ACY3: variants seen among roughly 807,000 people sequenced by gnomAD.
ACY3 encodes aminoacylase 3, also known as N-acyl-aromatic-L-amino acid amidohydrolase (carboxylate-forming).
Under a neutral mutation model 24.6 loss-of-function variants are expected in ACY3, and 20 were observed. The ratio of observed to expected loss-of-function variants is 0.81; its 90% CI spans 0.57 to 1.18. The LOEUF is 1.18. ACY3 is among the 50% of genes most tolerant of loss of function. The pLI is 0.00. For synonymous variants in ACY3, 174 were observed against 188.4 expected, an observed-to-expected ratio of 0.92 and a Z score of 0.62; for missense variants, 423 against 426.8, an observed-to-expected ratio of 0.99 and a Z score of 0.08.
At chr11:67,643,628 A>G (rs1228083571) in intron 7 of ACY3, among the ~76,000 whole-genome samples, 1 of 151,988 alleles carries the variant, frequency 6.6e-6, no homozygotes, top group Non-Finnish European at 1.5e-5. Flanking sequence ...CAGTAAGCCA[A>G]TATTATGCCA....
At position 67,645,503 on chromosome 11, in the gene ACY3, C is replaced by A. The variant is rs188381088; in HGVS notation, c.433-123G>T. On this transcript the variant is annotated intron_variant, in intron 4 of 7. Transcript: ENST00000255082. ...CCTTGGCCAGGTCTCCCTCTACCCT[C>A]TGGCAGGGTAGGGGAGGGGGTACCG... 8.3e-4 allele frequency: 1,042 copies of A among 1,258,828 alleles called. 7 individuals are homozygous for A. In the African/African-American group the frequency reaches 0.014, roughly 17 times the overall value. 78.0% of individuals were successfully genotyped at this position (1,258,828 alleles called of 1,614,324 possible).
Position 67,650,668 on chromosome 11 carries a change from C to G in ACY3, c.-180G>C, listed in dbSNP as rs1855611707. The G allele has an allele frequency of 6.6e-6, 1 of 152,232 alleles. No homozygotes were observed. Among genetic ancestry groups the G allele is most frequent in the African/African-American group, 2.4e-5 (1 of 41,440 alleles). 9.4% of individuals were successfully genotyped at this position (152,232 alleles called of 1,614,324 possible). A position where few individuals can be genotyped will look rare whatever the true frequency, so the allele number is the denominator to read the frequency against. On this transcript the variant is annotated 5_prime_UTR_variant, in exon 1 of 8. Transcript: ENST00000255082. Reference sequence around the variant, plus strand: ...GTGGGGCTGTCACTCCGCCCTACCCCCGAAACAGCGGAAGCAGCTGCCTGG... The same window carrying G: ...GTGGGGCTGTCACTCCGCCCTACCCGCGAAACAGCGGAAGCAGCTGCCTGG...
Position 67,642,677 on chromosome 11 carries a change from C to T in ACY3, c.*47G>A, listed in dbSNP as rs1565236848. The T allele has an allele frequency of 1.3e-6, 2 of 1,591,172 alleles. No individual in the cohort carries two copies. Among genetic ancestry groups the T allele is most frequent in the Non-Finnish European group, 8.6e-7 (1 of 1,159,432 alleles). ...CTGTGCTCAGAGCTGTGCCTCAGGA[C>T]CCATCGTTCAGATGGGAAGACTGAG... On this transcript the variant is annotated 3_prime_UTR_variant, in exon 8 of 8. Transcript: ENST00000255082.
At chr11:67,647,301 G>C (rs1855536964) in intron 2 of ACY3, among the ~76,000 whole-genome samples, 1 of 152,224 alleles carries the variant, frequency 6.6e-6, no homozygotes, top group South Asian at 2.1e-4. Flanking sequence ...GGGCCCAACT[G>C]TTCAGGAAGA....
chr11:67,646,016 C>G, intron 3 of ACY3, 129 bp from the exon 4 acceptor site: 1 of 911,994 alleles, frequency 1.1e-6, no homozygotes, highest in East Asian at 2.7e-5. Context: ...TCCCTTCAGA[C>G]GTTGTGGCTG....
intron 2 of ACY3, 146 bp from the exon 3 acceptor site, chr11:67,647,209 C>G (rs1257169935): frequency 1.8e-6 from 1 of 565,976 alleles, no homozygotes; most frequent in East Asian, 3.1e-5. Flanking sequence ...CCCACCTGCA[C>G]CCCCAGTGGC....
chr11:67,645,977 G>GC, intron 3 of ACY3, 90 bp from the exon 4 acceptor site: 1 of 1,291,360 alleles, frequency 7.7e-7, no homozygotes. Context: ...CCCTGCAGGA[G>GC]CCACTCTGAG....
At position 67,644,791 on chromosome 11, in the gene ACY3, T is replaced by G. The variant is rs1591130046; in HGVS notation, c.713A>C (p.His238Pro). ...CTGAGGATGCACAGTGCCTGCCAGG[T>G]GCCCGGCCTCGGTGCGGGGGAAGTC... ...VVDFPRTEAG[H>P]LAGTVHPQLQ... The change falls in exon 7 of 8, where the codon CAC becomes CCC. Residue 238 changes from histidine to proline, a missense_variant. Physicochemically the swap from His to Pro is moderately conservative, Grantham distance 77 (BLOSUM62 -2). Coordinates refer to ENST00000255082, the MANE Select transcript of ACY3 (RefSeq NM_080658.2). The G allele has an allele frequency of 2.6e-6, 4 of 1,560,380 alleles. No homozygotes were observed. The East Asian group carries it at 9.6e-5, about 37-fold the overall frequency.
chr11:67,643,001 G>T lies in ACY3; in HGVS notation c.745-62C>A, dbSNP rs969020719. The T allele has an allele frequency of 3.6e-5, 54 of 1,499,798 alleles. No individual in the cohort carries two copies. In the South Asian group the frequency reaches 6.3e-4, roughly 18 times the overall value. 92.9% of individuals were successfully genotyped at this position (1,499,798 alleles called of 1,614,324 possible). A position where few individuals can be genotyped will look rare whatever the true frequency, so the allele number is the denominator to read the frequency against. ...ACCTCTGCCCTGGCCCCAGAGGGGG[G>T]TGACCCCAGCTTGACACCCAAAAGA... On this transcript the variant is annotated intron_variant, in intron 7 of 7. Transcript: ENST00000255082.
In ACY3 at chr11:67,642,708, G is replaced by A. The variant is rs1855428885; in HGVS notation, c.*16C>T. On this transcript the variant is annotated 3_prime_UTR_variant, in exon 8 of 8. Coordinates refer to ENST00000255082, the MANE Select transcript of ACY3 (RefSeq NM_080658.2). The stretch of plus-strand genomic sequence containing the variant: ...GTTCAGATGGGAAGACTGAGGTTGG[G>A]GAGGTGTGTCTTGGGTTAGGAAGCT... 2.5e-6 allele frequency: 4 copies of A among 1,613,422 alleles called. No homozygotes were observed. Among genetic ancestry groups the A allele is most frequent in the Admixed American group, 3.3e-5 (2 of 60,010 alleles).
At position 67,645,672 on chromosome 11, in the gene ACY3, G is replaced by A; in HGVS notation, c.432+20C>T. Reference sequence around the variant, plus strand: ...CTCCCACTCCCCTCTGGGGAGCTGTGTGCTTGGGGCCGGGGCCACCTGCAG... The same window carrying A: ...CTCCCACTCCCCTCTGGGGAGCTGTATGCTTGGGGCCGGGGCCACCTGCAG... On this transcript the variant is annotated intron_variant, in intron 4 of 7. Transcript: ENST00000255082. 3 of 1,582,002 alleles carry A rather than the reference G, an allele frequency of 1.9e-6. No individual in the cohort carries two copies. In the South Asian group the frequency reaches 3.5e-5, roughly 19 times the overall value.
At chr11:67,647,177 G>C (rs1001527936) in intron 2 of ACY3, 114 bp from the exon 3 acceptor site, 5 of 695,142 alleles carry the variant, frequency 7.2e-6, no homozygotes, top group Non-Finnish European at 1.1e-5. Context: ...GGTGTGGACA[G>C]CTGGGAGTGT....
intron 4 of ACY3, 127 bp from the exon 5 acceptor site, chr11:67,645,507 C>A: frequency 8.1e-7 from 1 of 1,241,446 alleles, no homozygotes; most frequent in Non-Finnish European, 1.1e-6. Flanking sequence ...TACCCTCTGG[C>A]AGGGTAGGGG....
At chr11:67,644,214 A>G (rs1224995309) in intron 7 of ACY3, among the ~76,000 whole-genome samples, 3 of 151,994 alleles carry the variant, frequency 2.0e-5, no homozygotes, top group African/African-American at 7.2e-5. Flanking sequence ...ACCAGACCCT[A>G]TTCAACAATG....
In ACY3 at chr11:67,644,873, T is replaced by C. The variant is rs1472952481; in HGVS notation, c.635-4A>G. ...TCAAAGGCAGGAAAGGCCGTACCTG[T>C]GTGGGAGGCTGGGTGTGTGAGCCCA... On this transcript the variant is annotated splice_region_variant and splice_polypyrimidine_tract_variant and intron_variant, in intron 6 of 7. Transcript: ENST00000255082. 8.1e-6 allele frequency: 13 copies of C among 1,608,250 alleles called. No homozygotes were observed. Among genetic ancestry groups the C allele is most frequent in the Admixed American group, 3.4e-5 (2 of 58,930 alleles).
chr11:67,650,267 C>A (rs367645486), intron 1 of ACY3, among the ~76,000 whole-genome samples: 1 of 152,144 alleles, frequency 6.6e-6, no homozygotes, highest in African/African-American at 2.4e-5. Context: ...TAGATCATGC[C>A]TCCCAGCATC....
chr11:67,649,439 G>C (rs898028826), intron 1 of ACY3, among the ~76,000 whole-genome samples: 2 of 152,244 alleles, frequency 1.3e-5, no homozygotes, highest in African/African-American at 4.8e-5. Context: ...CCTTGGCTGG[G>C]GTCCAGCTTC....
chr11:67,645,042 CA>C lies in ACY3; in HGVS notation c.634+2del. 6.2e-7 allele frequency: 1 copy of C among 1,613,746 alleles called. No homozygotes were observed. The highest frequency in any genetic ancestry group is 8.5e-7 in the Non-Finnish European group (1 of 1,179,842). ...GTTTCCCGAAAGTCCCCTGGGGTCTCACCCTGGTTGAAGAGTTCGATGAAGT... is the reference window on the plus strand; with the variant it reads ...GTTTCCCGAAAGTCCCCTGGGGTCTCCCCTGGTTGAAGAGTTCGATGAAGT... On this transcript the variant is annotated splice_donor_variant, in intron 6 of 7. Coordinates refer to ENST00000255082, the MANE Select transcript of ACY3 (RefSeq NM_080658.2). LOFTEE classifies it high-confidence loss of function.
chr11:67,649,937 T>G (rs1006547005), intron 1 of ACY3, among the ~76,000 whole-genome samples: 2 of 133,850 alleles, frequency 1.5e-5, no homozygotes, highest in African/African-American at 8.3e-5. Context: ...TGTGTGCGTG[T>G]GTGTGTGTTG....
Sources: allele counts gnomAD v4.1 joint callset (sites outside exome capture counted in the v4.1 genomes callset), GRCh38; gene constraint gnomAD v4.1.1; transcripts MANE v1.5; gene names NCBI Gene and HGNC (gene_info 2026-07-23, HGNC 2026-07-21).